ETS1: variants seen among roughly 807,000 people sequenced by gnomAD.
The protein encoded by ETS1 is protein C-ets-1.
Under a neutral mutation model 58.6 loss-of-function variants are expected in ETS1, and 15 were observed. The ratio of observed to expected loss-of-function variants is 0.26; its 90% CI spans 0.17 to 0.39. The LOEUF (loss-of-function observed/expected upper bound fraction) is 0.39. Among genes scored for constraint, ETS1 ranks in the 10% least tolerant of loss-of-function variants. ETS1 has a pLI of 1.00. For missense variants in ETS1, 417 were observed against 610.5 expected, an observed-to-expected ratio of 0.68 and a Z score of 3.34; for synonymous variants, 214 against 218.2, an observed-to-expected ratio of 0.98 and a Z score of 0.17.
chr11:128,463,602 C>T lies in ETS1; in HGVS notation c.1149G>A (p.Gln383=), dbSNP rs777894991. The T allele has an allele frequency of 1.2e-6, 2 of 1,608,636 alleles. No homozygotes were observed. The highest frequency in any genetic ancestry group is 1.7e-6 in the Non-Finnish European group (2 of 1,175,062). ...TATCAGTGAGTAATTCCAGAAGAAA[C>T]TGCCATAGCTGGATTGGTCCACTGC... is the stretch of plus-strand genomic sequence containing the variant. The part of the protein sequence containing the change: ...YTGSGPIQLW[Q]FLLELLTDKS... Residue 383 remains glutamine (Q), a synonymous_variant, in exon 9 of 10, where the codon CAG becomes CAA. Coordinates refer to ENST00000392668, the MANE Select transcript of ETS1 (RefSeq NM_001143820.2). This position sits in a 1 kb window ranked among gnomAD's most constrained non-coding sequence, Gnocchi z 4.1.
At chr11:128,515,711 T>C (rs1036331901) in intron 3 of ETS1, among the ~76,000 whole-genome samples, 2 of 152,166 alleles carry the variant, frequency 1.3e-5, no homozygotes, top group Non-Finnish European at 2.9e-5. Context: ...TGGTAAATTA[T>C]ACGATTTTCT....
intron 3 of ETS1, among the ~76,000 whole-genome samples, chr11:128,518,536 A>T (rs1351360021): frequency 1.3e-5 from 2 of 152,250 alleles, no homozygotes; most frequent in East Asian, 3.8e-4. Flanking sequence ...TGGAGCACAG[A>T]GAGATTAAGT....
At chr11:128,477,555 G>A (rs1359109535) in intron 8 of ETS1, among the ~76,000 whole-genome samples, 1 of 152,124 alleles carries the variant, frequency 6.6e-6, no homozygotes, top group African/African-American at 2.4e-5. Flanking sequence ...CCATGAGGGT[G>A]TGAGATCACC....
chr11:128,541,604 C>A (rs1864059068), intron 3 of ETS1, among the ~76,000 whole-genome samples: 2 of 152,146 alleles, frequency 1.3e-5, no homozygotes, highest in Non-Finnish European at 2.9e-5. Flanking sequence ...GTGTTGTTTT[C>A]TTTTGTTTTG....
At chr11:128,511,422 A>C (rs918386721) in intron 3 of ETS1, among the ~76,000 whole-genome samples, 8 of 152,108 alleles carry the variant, frequency 5.3e-5, no homozygotes, top group African/African-American at 1.9e-4. Context: ...TTTCCTTGAG[A>C]AGGAACTAAC....
At chr11:128,472,456 C>T (rs1040723488) in intron 8 of ETS1, among the ~76,000 whole-genome samples, 33 of 152,290 alleles carry the variant, frequency 2.2e-4, no homozygotes, top group Middle Eastern at 3.4e-3. Flanking sequence ...CTGAGAGTGT[C>T]GGGACACATG....
intron 1 of ETS1, among the ~76,000 whole-genome samples, chr11:128,585,308 G>T (rs1007949983): frequency 7.7e-6 from 1 of 129,358 alleles, no homozygotes; most frequent in Non-Finnish European, 1.7e-5. Context: ...GGGAGGGAAG[G>T]GAGGGAAGAA....
In ETS1 at chr11:128,585,073, A is replaced by G. The variant is rs1463596359; in HGVS notation, c.-15+2415T>C. ...GAAAGAAAGAAAGAAAGAAAGAAAG[A>G]AAGAGAAAGAAAGAAAGGAAAGAAA... On this transcript the variant is annotated intron_variant, in intron 1 of 9. Transcript: ENST00000392668. 1.1e-3 allele frequency among the ~76,000 whole-genome samples: 29 copies of G among 26,998 alleles called. 5 individuals are homozygous for G. Among genetic ancestry groups the G allele is most frequent in the South Asian group, 2.7e-3 (4 of 1,500 alleles). The allele number at this position is 26,998 out of a possible 152,430, so 17.7% of individuals were successfully genotyped here.
chr11:128,459,934 T>G lies in ETS1; in HGVS notation c.*2427A>C, dbSNP rs991125682. On this transcript the variant is annotated 3_prime_UTR_variant, in exon 10 of 10. Transcript: ENST00000392668. ...AGGAACGGTGGATGATTTGAGAAAG[T>G]GATTTTATGCCTGGTTGCAAACAGC... 2.0e-5 allele frequency: 3 copies of G among 152,316 alleles called. No individual in the cohort carries two copies. Among genetic ancestry groups the G allele is most frequent in the East Asian group, 3.7e-4 (2 of 5,334 alleles). The allele number at this position is 152,316 out of a possible 1,614,324, so 9.4% of individuals were successfully genotyped here.
intron 1 of ETS1, among the ~76,000 whole-genome samples, chr11:128,573,569 G>A (rs933903541): frequency 1.3e-5 from 2 of 152,196 alleles, no homozygotes; most frequent in Non-Finnish European, 2.9e-5. Flanking sequence ...ACATAGAAAG[G>A]ATTGGAGAAA....
chr11:128,546,190 T>C (rs1331514072), intron 3 of ETS1, among the ~76,000 whole-genome samples: 2 of 152,236 alleles, frequency 1.3e-5, no homozygotes, highest in Non-Finnish European at 2.9e-5. Context: ...CTGTCTAGAC[T>C]GGAGAAGTCT....
chr11:128,462,384 C>T lies in ETS1; in HGVS notation c.1435G>A (p.Val479Ile), dbSNP rs954510165. ...CATCACTCGTCGGCATCTGGCTTGA[C>T]GTCCAGCATGGCGTGCAGCTCCTCA... ...TPEELHAMLD[V>I]KPDADE is the part of the protein sequence containing the mutation. Residue 479 changes from valine (V) to isoleucine (I), a missense_variant, in exon 10 of 10, where the codon GTC becomes ATC. Around this residue, in one of 4 missense-constraint regions of ETS1, gnomAD observed 56 missense variants for 156.1 expected, o/e 0.36. Transcript: ENST00000392668. 1.1e-5 allele frequency: 17 copies of T among 1,613,330 alleles called. No homozygotes were observed. The highest frequency in any genetic ancestry group is 1.7e-4 in the Middle Eastern group (1 of 6,054).
intron 4 of ETS1, 146 bp from the exon 5 acceptor site, chr11:128,489,636 CATT>C (rs1039671938): frequency 1.1e-5 from 7 of 649,290 alleles, no homozygotes; most frequent in African/African-American, 5.4e-5. Flanking sequence ...GCCTGCACAT[CATT>C]GAGTGCCTTC....
chr11:128,500,703 C>T lies in ETS1; in HGVS notation c.215-10127G>A, dbSNP rs370957866. Among the ~76,000 whole-genome samples, 122 of 152,230 alleles carry T rather than the reference C, an allele frequency of 8.0e-4. No homozygotes were observed. The South Asian group carries it at 0.021, about 26-fold the overall frequency. On this transcript the variant is annotated intron_variant, in intron 3 of 9. Transcript: ENST00000392668. ...GAAACCACAATGAAAAATAAGAATACGCAAGTCCATTTTCCCAGTACATCA... is the reference window on the plus strand; with the variant it reads ...GAAACCACAATGAAAAATAAGAATATGCAAGTCCATTTTCCCAGTACATCA...
chr11:128,559,850 G>T (rs1438446123), intron 2 of ETS1, among the ~76,000 whole-genome samples: 1 of 152,146 alleles, frequency 6.6e-6, no homozygotes, highest in East Asian at 1.9e-4. Flanking sequence ...GGGCAGCCCA[G>T]CCCCCACCTC....
At chr11:128,574,297 C>T (rs1864698265) in intron 1 of ETS1, among the ~76,000 whole-genome samples, 1 of 152,172 alleles carries the variant, frequency 6.6e-6, no homozygotes, top group Non-Finnish European at 1.5e-5. Context: ...GTGTTTTTAA[C>T]TAAAACTTTG....
At position 128,481,410 on chromosome 11, in the gene ETS1, A is replaced by T. The variant is rs978064576; in HGVS notation, c.863-959T>A. Among the ~76,000 whole-genome samples, 14 of 137,584 alleles carry T rather than the reference A, an allele frequency of 1.0e-4. 1 individual carries two copies. In the Admixed American group the frequency reaches 1.1e-3, roughly 11 times the overall value. The allele number at this position is 137,584 out of a possible 152,430, so 90.3% of individuals were successfully genotyped here. A position where few individuals can be genotyped will look rare whatever the true frequency, so the allele number is the denominator to read the frequency against. On this transcript the variant is annotated intron_variant, in intron 7 of 9. Coordinates refer to ENST00000392668, the MANE Select transcript of ETS1 (RefSeq NM_001143820.2). ...AATTTCCATTGGCAAAAATGCCACT[A>T]AAAAGGAGGCTAGCAAAAAAAAAAA...
chr11:128,560,103 G>A (rs1565410266), intron 2 of ETS1, among the ~76,000 whole-genome samples: 2 of 152,084 alleles, frequency 1.3e-5, no homozygotes, highest in Admixed American at 6.5e-5. Context: ...CTGCATCAGA[G>A]ATGGTCTCCT....
intron 3 of ETS1, among the ~76,000 whole-genome samples, chr11:128,534,426 ATATTT>A (rs1863942867): frequency 6.6e-6 from 1 of 152,204 alleles, no homozygotes; most frequent in Non-Finnish European, 1.5e-5. Context: ...TTTTTTAAGA[ATATTT>A]TATTTTAAGG....
Sources: allele counts gnomAD v4.1 joint callset (sites outside exome capture counted in the v4.1 genomes callset), GRCh38; gene constraint gnomAD v4.1.1; regional missense constraint gnomAD v4.1.1; non-coding constraint Gnocchi (gnomAD v3.1); transcripts MANE v1.5; gene names NCBI Gene and HGNC (gene_info 2026-07-23, HGNC 2026-07-21).